The following HEATR6 variants were observed in gnomAD, a reference collection of about 807,000 sequenced individuals.
HEATR6 encodes HEAT repeat containing 6, also known as HEAT repeat-containing protein 6.
HEATR6 carries 106 observed loss-of-function variants against 132.8 expected under a neutral mutation model. The ratio of observed to expected loss-of-function variants is 0.80; its 90% CI spans 0.68 to 0.94. The LOEUF is 0.94. Ranked by LOEUF, HEATR6 falls within the 40% of genes least tolerant of loss-of-function variation. The probability of loss-of-function intolerance (pLI) is 0.00; values close to 1 mark genes in which losing one functional copy is unlikely to be tolerated. For missense variants in HEATR6, 1,339 were observed against 1,425.1 expected, an observed-to-expected ratio of 0.94 and a Z score of 0.97; for synonymous variants, 529 against 537.8, an observed-to-expected ratio of 0.98 and a Z score of 0.23.
intron 3 of HEATR6, 84 bp downstream of exon 3, chr17:60,073,662 G>T: frequency 7.6e-7 from 1 of 1,318,028 alleles, no homozygotes; most frequent in Non-Finnish European, 1.1e-6. Context: ...GAGATTAGTG[G>T]CAAGATAGAA....
rs558396689 is a variant in HEATR6 at position 60,078,915 on chromosome 17, C to T, written c.-1G>A. 8.7e-6 allele frequency: 3 copies of T among 345,416 alleles called. No homozygotes were observed. The highest frequency in any genetic ancestry group is 1.3e-5 in the Non-Finnish European group (3 of 225,088). The allele number at this position is 345,416 out of a possible 1,614,324, so 21.4% of individuals were successfully genotyped here. A position where few individuals can be genotyped will look rare whatever the true frequency, so the allele number is the denominator to read the frequency against. Reference sequence around the variant, plus strand: ...AACCGACAACTTGCACAGCAGCCATCTTTTCTACGGGCGGGGGGGGTGGGT... The same window carrying T: ...AACCGACAACTTGCACAGCAGCCATTTTTTCTACGGGCGGGGGGGGTGGGT... On this transcript the variant is annotated 5_prime_UTR_variant, in exon 1 of 20. Transcript: ENST00000184956.
chr17:60,059,349 T>C (rs1906857227), intron 11 of HEATR6, 73 bp downstream of exon 11: 2 of 832,204 alleles, frequency 2.4e-6, no homozygotes, highest in Non-Finnish European at 3.9e-6. Context: ...CATATATCTA[T>C]ATCTGTATAT....
chr17:60,065,229 T>G (rs567792631), intron 9 of HEATR6, among the ~76,000 whole-genome samples: 27 of 152,342 alleles, frequency 1.8e-4, no homozygotes, highest in African/African-American at 6.0e-4. Context: ...TTTTTTTGCG[T>G]GTATATAAAA....
At chr17:60,048,080 T>C (rs1906433080) in intron 17 of HEATR6, among the ~76,000 whole-genome samples, 184 bp downstream of exon 17, 1 of 152,244 alleles carries the variant, frequency 6.6e-6, no homozygotes, top group Admixed American at 6.5e-5. Context: ...AATGCATTCC[T>C]AATATATATT....
chr17:60,073,015 A>C, intron 4 of HEATR6, 149 bp downstream of exon 4: 1 of 497,544 alleles, frequency 2.0e-6, no homozygotes, highest in Admixed American at 3.6e-5. Context: ...AAACAACATA[A>C]GATGATTTTA....
chr17:60,073,172 T>A lies in HEATR6; in HGVS notation c.576A>T (p.Leu192Phe). 2 of 1,596,490 alleles carry A rather than the reference T, an allele frequency of 1.3e-6. No homozygotes were observed. The highest frequency in any genetic ancestry group is 1.7e-6 in the Non-Finnish European group (2 of 1,164,074). ...RRAAVHCMAN[L>F]CLSVPGQPYL... is the part of the protein sequence containing the mutation. The stretch of plus-strand genomic sequence containing the variant: ...TGACTGGAGCCACATACCTGAGACA[T>A]AAGTTTGCCATACAATGTACTGCAG... The change falls in exon 4 of 20, where the codon TTA (leucine) becomes TTT (phenylalanine). Residue 192 changes from leucine to phenylalanine, a missense_variant. Transcript: ENST00000184956.
chr17:60,057,640 T>G (rs1906788275), intron 11 of HEATR6, among the ~76,000 whole-genome samples: 2 of 152,176 alleles, frequency 1.3e-5, no homozygotes, highest in African/African-American at 4.8e-5. Context: ...TGACAGAGCT[T>G]AGAGTTCACA....
At chr17:60,057,968 CTGTT>C (rs1291019609) in intron 11 of HEATR6, among the ~76,000 whole-genome samples, 1 of 152,086 alleles carries the variant, frequency 6.6e-6, no homozygotes, top group Non-Finnish European at 1.5e-5. Context: ...TTCCATTGAT[CTGTT>C]TGTCTCTTCC....
At chr17:60,071,540 G>A (rs1341711455) in intron 5 of HEATR6, among the ~76,000 whole-genome samples, 2 of 152,150 alleles carry the variant, frequency 1.3e-5, no homozygotes, top group African/African-American at 4.8e-5. Context: ...GAACACAGAG[G>A]CTCCAAGAAG....
At chr17:60,060,266 TA>T (rs11442461) in intron 9 of HEATR6, among the ~76,000 whole-genome samples, 170 bp from the exon 10 acceptor site, 1 of 151,400 alleles carries the variant, frequency 6.6e-6, no homozygotes, top group Middle Eastern at 3.4e-3. Flanking sequence ...GTCCCACACC[TA>T]AAAAAAAATC....
intron 14 of HEATR6, among the ~76,000 whole-genome samples, chr17:60,052,466 T>C (rs1490958688): frequency 6.6e-6 from 1 of 152,200 alleles, no homozygotes; most frequent in Non-Finnish European, 1.5e-5. Flanking sequence ...TGTGAACAGT[T>C]AAGAGGCTTG....
chr17:60,067,796 G>T, intron 7 of HEATR6, 64 bp from the exon 8 acceptor site: 1 of 1,296,012 alleles, frequency 7.7e-7, no homozygotes, highest in Non-Finnish European at 1.1e-6. Context: ...TCACTGAATC[G>T]TTACTTCTTC....
intron 2 of HEATR6, among the ~76,000 whole-genome samples, chr17:60,075,153 A>G (rs1233558884): frequency 6.6e-6 from 1 of 152,246 alleles, no homozygotes; most frequent in Non-Finnish European, 1.5e-5. Flanking sequence ...ACAACATAAA[A>G]TAAAGTTAAT....
chr17:60,078,802 C>CAGAGCCT lies in HEATR6; in HGVS notation c.106_112dup (p.Cys38Ter). The CAGAGCCT allele has an allele frequency of 6.3e-7, 1 of 1,598,242 alleles. No individual in the cohort carries two copies. Among genetic ancestry groups the CAGAGCCT allele is most frequent in the Middle Eastern group, 1.7e-4 (1 of 6,046 alleles). ...GCTGCTGTCATCCGGGCGCAGGGCG[C>CAGAGCCT]AGAGCCTGGCAGACAAGAGGCGAAA... is the stretch of plus-strand genomic sequence containing the variant. On this transcript the variant is annotated stop_gained and frameshift_variant, in exon 1 of 20. Coordinates refer to ENST00000184956, the MANE Select transcript of HEATR6 (RefSeq NM_022070.5). LOFTEE classifies it high-confidence loss of function.
chr17:60,055,536 A>C lies in HEATR6; in HGVS notation c.2268T>G (p.Asp756Glu). Residue 756 changes from aspartate to glutamate, a missense_variant, in exon 14 of 20, where the codon GAT (aspartate) becomes GAG (glutamate). Asp to Glu is a conservative substitution (Grantham distance 45, BLOSUM62 2). Coordinates refer to ENST00000184956, the MANE Select transcript of HEATR6 (RefSeq NM_022070.5). ...TTACCAAGAAGACTGGTGCTCTCTG[A>C]TCAGGTGCTGCAGTGGAGTCTGGTT... ...QYKPDSTAAP[D>E]QRAPVFLVVM... The C allele has an allele frequency of 6.2e-7, 1 of 1,612,020 alleles. No individual in the cohort carries two copies. Among genetic ancestry groups the C allele is most frequent in the Admixed American group, 1.7e-5 (1 of 59,682 alleles).
chr17:60,059,578 A>C, intron 10 of HEATR6, 57 bp from the exon 11 acceptor site: 1 of 1,188,258 alleles, frequency 8.4e-7, no homozygotes, highest in Non-Finnish European at 1.2e-6. Context: ...AGCATAGAAC[A>C]AATTTTGCAG....
At chr17:60,047,640 C>T (rs1231689979) in intron 17 of HEATR6, among the ~76,000 whole-genome samples, 2 of 151,068 alleles carry the variant, frequency 1.3e-5, no homozygotes, top group African/African-American at 2.4e-5. Flanking sequence ...CAAAAATATT[C>T]CCTGAATATA....
chr17:60,067,195 G>A (rs909946237), intron 8 of HEATR6, among the ~76,000 whole-genome samples: 7 of 149,502 alleles, frequency 4.7e-5, no homozygotes, highest in East Asian at 2.0e-4. Flanking sequence ...GCGTGAACCC[G>A]GGAGGCGGAG....
Position 60,048,512 on chromosome 17 carries a change from C to A in HEATR6, c.2548-124G>T, listed in dbSNP as rs966116261. 3.3e-6 allele frequency: 3 copies of A among 918,382 alleles called. No individual in the cohort carries two copies. In the Admixed American group the frequency reaches 9.6e-5, roughly 29 times the overall value. 56.9% of individuals were successfully genotyped at this position (918,382 alleles called of 1,614,324 possible). On this transcript the variant is annotated intron_variant, in intron 16 of 19. Coordinates refer to ENST00000184956, the MANE Select transcript of HEATR6 (RefSeq NM_022070.5). Reference sequence around the variant, plus strand: ...ACATTTCTACTTAGAAATAAAAATTCATCTACTCAATCAATTTACTGTTCT... The same window carrying A: ...ACATTTCTACTTAGAAATAAAAATTAATCTACTCAATCAATTTACTGTTCT...
Sources: gnomAD v4.1 joint callset for allele counts (sites outside exome capture counted in the v4.1 genomes callset) on GRCh38, gnomAD v4.1.1 for gene constraint, MANE v1.5 for transcripts, NCBI Gene and HGNC (gene_info 2026-07-23, HGNC 2026-07-21) for gene names.